The following DDX31 variants were observed in gnomAD, a reference collection of about 807,000 sequenced individuals.
The protein encoded by DDX31 is DEAD-box helicase 31, also known as ATP-dependent DNA helicase DDX31.
Under a neutral mutation model 91.3 loss-of-function variants are expected in DDX31, and 70 were observed. That is an observed-to-expected ratio of 0.77 (90% CI 0.63 to 0.94). The LOEUF (loss-of-function observed/expected upper bound fraction) is 0.94, where lower values mean the gene tolerates loss of function less well. Ranked by LOEUF, DDX31 falls within the 40% of genes least tolerant of loss-of-function variation. The pLI, the probability that DDX31 is intolerant of heterozygous loss-of-function variation, is 0.00. For missense variants in DDX31, 902 were observed against 925.0 expected (o/e 0.98, Z 0.32); for synonymous variants, 362 against 350.6 (o/e 1.03, Z -0.36).
rs149057336 is a variant in DDX31, at chr9:132,652,440, C to G, written c.633+8G>C. 1.9e-6 allele frequency: 3 copies of G among 1,614,112 alleles called. No individual in the cohort carries two copies. The East Asian group carries it at 6.7e-5, about 36-fold the overall frequency. Reference sequence around the variant, plus strand: ...CTTAAAACTTGTCCCAAAAGGGAGCCTGCTTACCTCTCTCGTTGGCACGAG... The same window carrying G: ...CTTAAAACTTGTCCCAAAAGGGAGCGTGCTTACCTCTCTCGTTGGCACGAG... On this transcript the variant is annotated splice_region_variant and intron_variant, in intron 7 of 19. Transcript: ENST00000372159.
rs571653606 is a variant in DDX31, at chr9:132,667,822, CCAAA to C, written c.75+2034_75+2037del. The stretch of plus-strand genomic sequence containing the variant: ...TAGCAATCTATTATCCAAAATGGAG[CCAAA>C]ACTACTTTATACTGTTGGCATTTAT... On this transcript the variant is annotated intron_variant, in intron 1 of 19. Transcript: ENST00000372159. 7.9e-5 allele frequency among the ~76,000 whole-genome samples: 12 copies of C among 152,274 alleles called. No individual in the cohort carries two copies. The East Asian group carries it at 2.3e-3, about 29-fold the overall frequency.
At chr9:132,643,515 TAA>T (rs1478242140) in intron 13 of DDX31, among the ~76,000 whole-genome samples, 2 of 152,228 alleles carry the variant, frequency 1.3e-5, no homozygotes, top group Admixed American at 6.5e-5. Flanking sequence ...GTACACTGGA[TAA>T]AGACATACAA....
chr9:132,636,508 C>T (rs1833125291), intron 14 of DDX31, among the ~76,000 whole-genome samples: 1 of 152,210 alleles, frequency 6.6e-6, no homozygotes. Context: ...AACACTAAGA[C>T]TCTAAAGACT....
At chr9:132,645,532 C>CTTTT (rs746759607) in intron 13 of DDX31, among the ~76,000 whole-genome samples, 1 of 152,132 alleles carries the variant, frequency 6.6e-6, no homozygotes, top group Non-Finnish European at 1.5e-5. Flanking sequence ...ACACTGGGTA[C>CTTTT]TAAAAAGGCA....
At chr9:132,638,687 C>T (rs557888786) in intron 14 of DDX31, among the ~76,000 whole-genome samples, 2 of 152,154 alleles carry the variant, frequency 1.3e-5, no homozygotes, top group African/African-American at 4.8e-5. Context: ...TCAGGACTTG[C>T]GAGCTGCATG....
intron 18 of DDX31, among the ~76,000 whole-genome samples, chr9:132,615,244 T>G (rs1389155373): frequency 6.6e-6 from 1 of 152,158 alleles, no homozygotes; most frequent in Non-Finnish European, 1.5e-5. Context: ...TTCCTGGACA[T>G]TTGGATCAGA....
chr9:132,620,973 T>G (rs1831993112), intron 17 of DDX31, among the ~76,000 whole-genome samples: 2 of 152,206 alleles, frequency 1.3e-5, no homozygotes, highest in African/African-American at 4.8e-5. Flanking sequence ...CTACTGATCT[T>G]GGAAAACACA....
At chr9:132,661,384 T>C (rs1291570076) in intron 3 of DDX31, 133 bp from the exon 4 acceptor site, 13 of 781,444 alleles carry the variant, frequency 1.7e-5, no homozygotes, top group Non-Finnish European at 2.6e-5. Flanking sequence ...ACCCAGGTGG[T>C]GCTCTCTACT....
At chr9:132,668,950 G>T (rs977101945) in intron 1 of DDX31, among the ~76,000 whole-genome samples, 2 of 152,304 alleles carry the variant, frequency 1.3e-5, no homozygotes, top group South Asian at 2.1e-4. Flanking sequence ...AGAAAGGTGG[G>T]ACAACTCAAA....
At chr9:132,629,030 C>T (rs1590025715) in intron 16 of DDX31, among the ~76,000 whole-genome samples, 1 of 152,370 alleles carries the variant, frequency 6.6e-6, no homozygotes, top group African/African-American at 2.4e-5. Flanking sequence ...TCCTGGTACA[C>T]CCGCCCTGGT....
chr9:132,594,849 G>T lies in DDX31; in HGVS notation c.*17C>A. On this transcript the variant is annotated 3_prime_UTR_variant, in exon 20 of 20. Transcript: ENST00000372159. ...CACCCGGGGCTTCCAGGTTCCACTC[G>T]AAGACCCAGAGAGATTTTAAACTTT... 1 of 1,608,842 alleles carries T rather than the reference G, an allele frequency of 6.2e-7. No individual in the cohort carries two copies. The highest frequency in any genetic ancestry group is 8.5e-7 in the Non-Finnish European group (1 of 1,176,818).
At chr9:132,637,243 C>T (rs1833178294) in intron 14 of DDX31, among the ~76,000 whole-genome samples, 2 of 152,256 alleles carry the variant, frequency 1.3e-5, no homozygotes, top group South Asian at 4.2e-4. Context: ...GAGATCATGA[C>T]CCACCAAGAC....
At chr9:132,605,438 T>C (rs1304783366) in intron 19 of DDX31, among the ~76,000 whole-genome samples, 2 of 152,148 alleles carry the variant, frequency 1.3e-5, no homozygotes, top group African/African-American at 4.8e-5. Context: ...AAAAAACCTG[T>C]ACAACGCAAA....
At position 132,652,331 on chromosome 9, in the gene DDX31, A is replaced by T. The variant is rs376128893; in HGVS notation, c.633+117T>A. On this transcript the variant is annotated intron_variant, in intron 7 of 19. Coordinates refer to ENST00000372159, the MANE Select transcript of DDX31 (RefSeq NM_022779.9). ...AGAAGGATGGTTTCCAGGCAAATGG[A>T]ACTGGTGTGCAGTGGCTTGTGCAGT... 1.1e-3 allele frequency: 1,240 copies of T among 1,168,938 alleles called. 27 individuals carry two copies. The South Asian group carries it at 0.016, about 15-fold the overall frequency. 72.4% of individuals were successfully genotyped at this position (1,168,938 alleles called of 1,614,324 possible).
At chr9:132,642,738 C>T (rs1833578748) in intron 13 of DDX31, among the ~76,000 whole-genome samples, 1 of 151,828 alleles carries the variant, frequency 6.6e-6, no homozygotes, top group South Asian at 2.1e-4. Flanking sequence ...TATCCAAAGA[C>T]CAGGTCATCT....
intron 18 of DDX31, among the ~76,000 whole-genome samples, chr9:132,617,177 C>T (rs966516519): frequency 2.0e-5 from 3 of 152,150 alleles, no homozygotes; most frequent in Non-Finnish European, 4.4e-5. Flanking sequence ...GCACCAGCTC[C>T]CACTGCCCAG....
intron 5 of DDX31, among the ~76,000 whole-genome samples, chr9:132,659,062 T>C (rs1011963461): frequency 6.6e-6 from 1 of 152,200 alleles, no homozygotes; most frequent in African/African-American, 2.4e-5. Context: ...AATTCCTCCT[T>C]TGAAGTCCTC....
chr9:132,645,414 C>T (rs926019200), intron 13 of DDX31, among the ~76,000 whole-genome samples: 4 of 152,184 alleles, frequency 2.6e-5, no homozygotes, highest in Admixed American at 6.5e-5. Flanking sequence ...CTGAGTGCAG[C>T]GCTGTGTCTT....
intron 16 of DDX31, 130 bp downstream of exon 16, chr9:132,630,134 T>C: frequency 9.6e-7 from 1 of 1,042,974 alleles, no homozygotes; most frequent in Non-Finnish European, 1.3e-6. Flanking sequence ...CACTGGCTAT[T>C]CTGGGACTCA....
Sources: allele counts gnomAD v4.1 joint callset (sites outside exome capture counted in the v4.1 genomes callset), GRCh38; gene constraint gnomAD v4.1.1; transcripts MANE v1.5; gene names NCBI Gene and HGNC (gene_info 2026-07-23, HGNC 2026-07-21).